The following C2CD3 variants were observed in gnomAD, a reference collection of about 807,000 sequenced individuals.
The protein encoded by C2CD3 is C2 domain-containing protein 3.
In C2CD3, 148 loss-of-function variants were observed where a neutral mutation model predicts 234.0. That is an observed-to-expected ratio of 0.63 (90% CI 0.55 to 0.72). The LOEUF (loss-of-function observed/expected upper bound fraction) is 0.72, where lower values mean the gene tolerates loss of function less well. C2CD3 is among the 30% of genes least tolerant of loss of function. The probability of loss-of-function intolerance (pLI) is 0.00; values close to 1 mark genes in which losing one functional copy is unlikely to be tolerated. For missense variants in C2CD3, 2,577 were observed against 2,811.5 expected, an observed-to-expected ratio of 0.92 and a Z score of 1.89; for synonymous variants, 1,000 against 1,035.4, an observed-to-expected ratio of 0.97 and a Z score of 0.66.
At chr11:74,170,108 T>C (rs1248435221) in intron 1 of C2CD3, among the ~76,000 whole-genome samples, 1 of 151,854 alleles carries the variant, frequency 6.6e-6, no homozygotes, top group Non-Finnish European at 1.5e-5. Context: ...GCTAACCTGA[T>C]GAGGACTCTC....
chr11:74,056,214 T>C (rs1220944570), intron 25 of C2CD3, among the ~76,000 whole-genome samples: 1 of 152,344 alleles, frequency 6.6e-6, no homozygotes, highest in African/African-American at 2.4e-5. Context: ...CCAGACACCA[T>C]GGGTATGGCT....
intron 32 of C2CD3, chr11:74,016,664 G>A (rs1951890522): frequency 2.6e-5 from 4 of 152,228 alleles, no homozygotes; most frequent in Admixed American, 2.6e-4. Context: ...TAGTAGTGAA[G>A]ATTCTTCCTT....
In C2CD3 at chr11:74,074,471, C is replaced by T; in HGVS notation, c.4733G>A (p.Ser1578Asn). ...GGGGAGCTGCTCAGACTCACTGTGG[C>T]TGCTGCAGTCCATGGAGTCCAGCTC... Reference protein sequence around the residue: ...THELDSMDCSSHSESEQLPRR... With the variant: ...THELDSMDCSNHSESEQLPRR... The change falls in exon 24 of 33, where the codon AGC becomes AAC. Residue 1578 changes from serine to asparagine, a missense_variant. Transcript: ENST00000334126. The T allele has an allele frequency of 1.2e-6, 2 of 1,614,200 alleles. No homozygotes were observed. The highest frequency in any genetic ancestry group is 1.7e-6 in the Non-Finnish European group (2 of 1,180,024).
At chr11:74,119,253 C>T (rs1169639271) in intron 8 of C2CD3, among the ~76,000 whole-genome samples, 1 of 152,080 alleles carries the variant, frequency 6.6e-6, no homozygotes, top group Non-Finnish European at 1.5e-5. Context: ...ATGATTCATT[C>T]TGCTTTTAAT....
intron 24 of C2CD3, among the ~76,000 whole-genome samples, chr11:74,068,866 C>T (rs1396981003): frequency 6.6e-6 from 1 of 152,184 alleles, no homozygotes; most frequent in African/African-American, 2.4e-5. Context: ...AGTGCAGAGG[C>T]ACGATCTCGG....
At chr11:74,086,462 T>C (rs2135476670) in intron 20 of C2CD3, among the ~76,000 whole-genome samples, 1 of 152,332 alleles carries the variant, frequency 6.6e-6, no homozygotes, top group African/African-American at 2.4e-5. Context: ...GTTTCTATGG[T>C]TTGCATAAGT....
chr11:74,155,038 C>T (rs10898960), intron 3 of C2CD3, among the ~76,000 whole-genome samples: 43,068 of 152,054 alleles, frequency 0.28, 7,117 homozygotes, highest in African/African-American at 0.46. Context: ...TGGTCTTTGA[C>T]AGCAGCCTTC....
chr11:74,064,658 C>G (rs1954420602), intron 24 of C2CD3, among the ~76,000 whole-genome samples: 1 of 152,202 alleles, frequency 6.6e-6, no homozygotes, highest in South Asian at 2.1e-4. Context: ...ATCACACTAC[C>G]TGACTTCAAA....
intron 31 of C2CD3, among the ~76,000 whole-genome samples, chr11:74,030,113 G>C (rs1279562877): frequency 2.0e-5 from 3 of 151,990 alleles, no homozygotes. Context: ...TTCCCATTTA[G>C]GGAAACAAAC....
intron 14 of C2CD3, among the ~76,000 whole-genome samples, chr11:74,101,392 G>C (rs565728124): frequency 5.9e-5 from 9 of 152,282 alleles, no homozygotes; most frequent in Admixed American, 1.3e-4. Context: ...GAAACCAATA[G>C]AAAACATGAG....
At chr11:74,038,803 G>A (rs1172179720) in intron 29 of C2CD3, among the ~76,000 whole-genome samples, 1 of 152,120 alleles carries the variant, frequency 6.6e-6, no homozygotes, top group Non-Finnish European at 1.5e-5. Context: ...TCCCTTAATT[G>A]TCTCATTATA....
chr11:74,029,731 C>T (rs1425984747), intron 31 of C2CD3, among the ~76,000 whole-genome samples: 1 of 152,224 alleles, frequency 6.6e-6, no homozygotes, highest in Non-Finnish European at 1.5e-5. Context: ...CCTGCTCCAA[C>T]AGGCACTTTC....
At chr11:74,129,350 T>C in intron 7 of C2CD3, 1 of 161,076 alleles carries the variant, frequency 6.2e-6, no homozygotes, top group Non-Finnish European at 1.3e-5. Flanking sequence ...GTCTCCTCAT[T>C]TCTCAGACGG....
Position 74,115,431 on chromosome 11 carries a change from T to C in C2CD3, c.1521-838A>G, listed in dbSNP as rs193094706. Among the ~76,000 whole-genome samples the C allele has an allele frequency of 3.9e-5, 6 of 152,254 alleles. No individual in the cohort carries two copies. In the East Asian group the frequency reaches 9.6e-4, roughly 24 times the overall value. On this transcript the variant is annotated intron_variant, in intron 9 of 32. Coordinates refer to ENST00000334126, the MANE Select transcript of C2CD3 (RefSeq NM_001286577.2). ...CCTTCTCATTTGCTTTCCTTATGCATATTTTCTACACAGTTGTGATCACAG... is the reference window on the plus strand; with the variant it reads ...CCTTCTCATTTGCTTTCCTTATGCACATTTTCTACACAGTTGTGATCACAG...
intron 25 of C2CD3, 63 bp from the exon 26 acceptor site, chr11:74,054,734 G>A: frequency 8.9e-7 from 1 of 1,117,728 alleles, no homozygotes; most frequent in Non-Finnish European, 1.3e-6. Context: ...ATAAAACTTA[G>A]ATTTGAAGAA....
chr11:74,037,499 G>A lies in C2CD3; in HGVS notation c.5860C>T (p.Gln1954Ter), dbSNP rs1344696214. Reference protein sequence around the residue: ...ILEKSSNLVLQVSSLITDLQT... With the variant: ...ILEKSSNLVL Reference sequence around the variant, plus strand: ...ATACCTGTGATTAAGGAGCTGACTTGCAACACCAGGTTACTGGATTTCTCC... The same window carrying A: ...ATACCTGTGATTAAGGAGCTGACTTACAACACCAGGTTACTGGATTTCTCC... The change falls in exon 30 of 33, where the codon CAA becomes TAA. Residue 1954 changes from glutamine to a stop codon, truncating the protein, a stop_gained. Coordinates refer to ENST00000334126, the MANE Select transcript of C2CD3 (RefSeq NM_001286577.2). LOFTEE classifies it high-confidence loss of function. 6.2e-7 allele frequency: 1 copy of A among 1,613,790 alleles called. No individual in the cohort carries two copies. Among genetic ancestry groups the A allele is most frequent in the African/African-American group, 1.3e-5 (1 of 74,894 alleles).
chr11:74,049,200 A>G lies in C2CD3; in HGVS notation c.5361+137T>C, dbSNP rs1042521514. Reference sequence around the variant, plus strand: ...TTCCAGAACATTTTCATCACCCCAAAAGGTCAGGAGGTTGTTATGAGACAC... The same window carrying G: ...TTCCAGAACATTTTCATCACCCCAAGAGGTCAGGAGGTTGTTATGAGACAC... On this transcript the variant is annotated intron_variant, in intron 27 of 32. Transcript: ENST00000334126. 5.9e-6 allele frequency: 4 copies of G among 683,558 alleles called. No homozygotes were observed. In the African/African-American group the frequency reaches 7.2e-5, roughly 12 times the overall value. The allele number at this position is 683,558 out of a possible 1,614,324, so 42.3% of individuals were successfully genotyped here. A position where few individuals can be genotyped will look rare whatever the true frequency, so the allele number is the denominator to read the frequency against.
intron 22 of C2CD3, among the ~76,000 whole-genome samples, chr11:74,080,330 G>A (rs1307782592): frequency 2.0e-5 from 3 of 152,138 alleles, no homozygotes; most frequent in Non-Finnish European, 2.9e-5. Flanking sequence ...GAAATGAGGA[G>A]GCTGAAAATT....
intron 31 of C2CD3, 53 bp downstream of exon 31, chr11:74,033,298 G>C (rs1253789974): frequency 3.4e-6 from 5 of 1,464,668 alleles, no homozygotes; most frequent in Non-Finnish European, 2.8e-6. Context: ...ACTCACACTA[G>C]GCTAGTCTAA....
Sources: gnomAD v4.1 joint callset for allele counts (sites outside exome capture counted in the v4.1 genomes callset) on GRCh38, gnomAD v4.1.1 for gene constraint, MANE v1.5 for transcripts, NCBI Gene and HGNC (gene_info 2026-07-23, HGNC 2026-07-21) for gene names.